Variants in MTF1 observed in about 807,000 individuals in gnomAD.
MTF1 encodes the protein metal regulatory transcription factor 1.
Under a neutral mutation model 70.4 loss-of-function variants are expected in MTF1, and 22 were observed. The ratio of observed to expected loss-of-function variants is 0.31; its 90% CI spans 0.22 to 0.45. The LOEUF (loss-of-function observed/expected upper bound fraction) is 0.45, where lower values mean the gene tolerates loss of function less well. MTF1 is among the 20% of genes least tolerant of loss of function. MTF1 has a pLI of 1.00. For synonymous variants in MTF1, 333 were observed against 352.8 expected (o/e 0.94, Z 0.63); for missense variants, 649 against 922.0 (o/e 0.70, Z 3.83).
At chr1:37,818,790 C>T (rs980377274) in intron 9 of MTF1, among the ~76,000 whole-genome samples, 1 of 151,474 alleles carries the variant, frequency 6.6e-6, no homozygotes, top group African/African-American at 2.4e-5. Flanking sequence ...GTCAGGAGAT[C>T]GAGACCATCC....
At chr1:37,847,453 C>T (rs536392223) in intron 2 of MTF1, among the ~76,000 whole-genome samples, 98 of 152,262 alleles carry the variant, frequency 6.4e-4, no homozygotes, top group African/African-American at 2.2e-3. Context: ...ACATAGTGAT[C>T]GGTACATATC....
At chr1:37,858,775 A>T (rs1403722423) in intron 1 of MTF1, among the ~76,000 whole-genome samples, 5 of 152,268 alleles carry the variant, frequency 3.3e-5, no homozygotes, top group Admixed American at 6.5e-5. Flanking sequence ...TTGGGAAGAT[A>T]CATTCTCTTG....
At chr1:37,827,372 A>ATTATTG (rs1237316622) in intron 7 of MTF1, among the ~76,000 whole-genome samples, 12 of 142,632 alleles carry the variant, frequency 8.4e-5, no homozygotes, top group African/African-American at 3.1e-4. Context: ...TATTATTATT[A>ATTATTG]TTTGAGACAG....
At chr1:37,833,905 AAAGAGGACCATATGGCTG>A (rs1376132267) in intron 6 of MTF1, among the ~76,000 whole-genome samples, 1 of 152,128 alleles carries the variant, frequency 6.6e-6, no homozygotes, top group African/African-American at 2.4e-5. Context: ...AAGAAACCAC[AAAGAGGACCATATGGCTG>A]AAGTGAGAGG....
chr1:37,855,220 T>C (rs1043622016), intron 2 of MTF1, among the ~76,000 whole-genome samples: 1 of 152,148 alleles, frequency 6.6e-6, no homozygotes, highest in Non-Finnish European at 1.5e-5. Context: ...TTCAAATAGC[T>C]GATGGACTGT....
At chr1:37,839,861 T>G (rs560789910) in intron 3 of MTF1, 59 bp downstream of exon 3, 1 of 1,359,892 alleles carries the variant, frequency 7.4e-7, no homozygotes, top group East Asian at 2.3e-5. Context: ...GGGAAAGAGC[T>G]CTGCCATCAC....
intron 7 of MTF1, among the ~76,000 whole-genome samples, chr1:37,830,659 A>C (rs1641072551): frequency 6.6e-6 from 1 of 152,220 alleles, no homozygotes; most frequent in Non-Finnish European, 1.5e-5. Flanking sequence ...ATTGCTCTGA[A>C]CACTACAAAT....
intron 2 of MTF1, among the ~76,000 whole-genome samples, chr1:37,854,952 G>C (rs1289564894): frequency 1.3e-5 from 2 of 152,162 alleles, no homozygotes; most frequent in East Asian, 1.9e-4. Context: ...CCAGCTACTT[G>C]GGAGGCTGAG....
chr1:37,856,385 C>T (rs1349605824), intron 2 of MTF1, among the ~76,000 whole-genome samples: 1 of 151,692 alleles, frequency 6.6e-6, no homozygotes, highest in African/African-American at 2.4e-5. Context: ...ACCATGTTGG[C>T]CAGGGTGCTC....
chr1:37,844,749 G>A (rs1641308724), intron 2 of MTF1, among the ~76,000 whole-genome samples: 1 of 152,056 alleles, frequency 6.6e-6, no homozygotes, highest in Non-Finnish European at 1.5e-5. Context: ...CTGTCTCCCT[G>A]CCCTGCCAAA....
At position 37,815,792 on chromosome 1, in the gene MTF1, AC is replaced by A. The variant is rs1640810827; in HGVS notation, c.1832-227del. ...AAGTCCCGTTTCCTTAGAAAGTCAC[AC>A]ACACGATCTAGATGCACCCTGTATT... is the stretch of plus-strand genomic sequence containing the variant. On this transcript the variant is annotated intron_variant, in intron 10 of 10. Coordinates refer to ENST00000373036, the MANE Select transcript of MTF1 (RefSeq NM_005955.3). This position sits in a 1 kb window ranked among gnomAD's most constrained non-coding sequence, Gnocchi z 4.5. Among the ~76,000 whole-genome samples, 1 of 152,220 alleles carries A rather than the reference AC, an allele frequency of 6.6e-6. No homozygotes were observed. The highest frequency in any genetic ancestry group is 1.9e-4 in the East Asian group (1 of 5,176).
intron 2 of MTF1, among the ~76,000 whole-genome samples, chr1:37,844,429 T>C (rs1641303681): frequency 6.6e-6 from 1 of 152,226 alleles, no homozygotes; most frequent in African/African-American, 2.4e-5. Flanking sequence ...TGCCCTTCTC[T>C]AAATGCCAGT....
chr1:37,834,004 T>C (rs1400715494), intron 6 of MTF1, among the ~76,000 whole-genome samples: 1 of 151,832 alleles, frequency 6.6e-6, no homozygotes, highest in Non-Finnish European at 1.5e-5. Flanking sequence ...GGCAGACAGA[T>C]CACTTAAGCT....
At position 37,813,663 on chromosome 1, in the gene MTF1, G is replaced by A. The variant is rs555200790; in HGVS notation, c.*1473C>T. 1 of 152,424 alleles carries A rather than the reference G, an allele frequency of 6.6e-6. No homozygotes were observed. Among genetic ancestry groups the A allele is most frequent in the South Asian group, 2.1e-4 (1 of 4,830 alleles). 9.4% of individuals were successfully genotyped at this position (152,424 alleles called of 1,614,324 possible). ...CTCAGGGCAAGGAAAGGGCTCTTGG[G>A]AGGCAGAGGCCTATTCTGCACCTCA... On this transcript the variant is annotated 3_prime_UTR_variant, in exon 11 of 11. Transcript: ENST00000373036.
In MTF1 at chr1:37,840,308, G is replaced by A; in HGVS notation, c.409-150C>T. The A allele has an allele frequency of 1.5e-6, 1 of 665,034 alleles. No homozygotes were observed. The highest frequency in any genetic ancestry group is 1.8e-5 in the South Asian group (1 of 54,538). The allele number at this position is 665,034 out of a possible 1,614,324, so 41.2% of individuals were successfully genotyped here. On this transcript the variant is annotated intron_variant, in intron 2 of 10. Transcript: ENST00000373036. This position sits in a 1 kb window ranked among gnomAD's most constrained non-coding sequence, Gnocchi z 4.5. ...GAAAACAGCCTCTAGCAGCAAAGTG[G>A]AAAAACCTTATTGTTGATCAAATCA...
chr1:37,841,431 C>A, intron 2 of MTF1: 1 of 153,356 alleles, frequency 6.5e-6, no homozygotes. Flanking sequence ...GGCCCATGCC[C>A]AGGAAACGGC....
intron 7 of MTF1, among the ~76,000 whole-genome samples, chr1:37,829,935 T>C (rs906729834): frequency 6.6e-6 from 1 of 152,200 alleles, no homozygotes; most frequent in African/African-American, 2.4e-5. Context: ...ATAGTGCTTC[T>C]CTCTCTTGAT....
chr1:37,859,430 C>A (rs1204366386), intron 1 of MTF1, 101 bp downstream of exon 1: 1 of 398,398 alleles, frequency 2.5e-6, no homozygotes, highest in East Asian at 3.6e-5. Context: ...CCTATGGTGA[C>A]CAAACTGAGG....
At chr1:37,835,548 G>A (rs28378413) in intron 5 of MTF1, 123 bp downstream of exon 5, 189,655 of 750,142 alleles carry the variant, frequency 0.25, 26,079 homozygotes, top group Non-Finnish European at 0.28. Flanking sequence ...GTAAGGCTGA[G>A]CTAATTATGC....
Sources: allele counts gnomAD v4.1 joint callset (sites outside exome capture counted in the v4.1 genomes callset), GRCh38; gene constraint gnomAD v4.1.1; non-coding constraint Gnocchi (gnomAD v3.1); transcripts MANE v1.5; gene names NCBI Gene and HGNC (gene_info 2026-07-23, HGNC 2026-07-21).